The following HVCN1 variants were observed in gnomAD, a reference collection of about 807,000 sequenced individuals.
HVCN1 encodes hydrogen voltage gated channel 1, also known as voltage-gated hydrogen channel 1.
A neutral mutation model predicts 29.2 loss-of-function variants in HVCN1; 14 were observed. The observed-to-expected ratio is 0.48, with a 90% CI of 0.32 to 0.75. The LOEUF is 0.75. Among genes scored for constraint, HVCN1 ranks in the 30% least tolerant of loss-of-function variants. HVCN1 has a pLI of 0.04. For synonymous variants in HVCN1, 131 were observed against 133.2 expected, an observed-to-expected ratio of 0.98 and a Z score of 0.11; for missense variants, 263 against 341.8, an observed-to-expected ratio of 0.77 and a Z score of 1.82.
At chr12:110,698,088 C>T (rs1053706005) in intron 2 of HVCN1, among the ~76,000 whole-genome samples, 2 of 152,176 alleles carry the variant, frequency 1.3e-5, no homozygotes, top group Non-Finnish European at 2.9e-5. Context: ...CCTTCTCTGC[C>T]CGCAGAGACA....
intron 3 of HVCN1, among the ~76,000 whole-genome samples, chr12:110,671,723 AACC>A (rs1593490153): frequency 1.3e-5 from 2 of 152,200 alleles, no homozygotes; most frequent in East Asian, 3.9e-4. Context: ...CAGGGCCCAA[AACC>A]ACTTGGAGAA....
chr12:110,656,302 C>T (rs981383267), intron 4 of HVCN1, among the ~76,000 whole-genome samples: 2 of 152,158 alleles, frequency 1.3e-5, no homozygotes, highest in African/African-American at 2.4e-5. Flanking sequence ...ATGGGAAACA[C>T]AGCCTCCTGG....
intron 3 of HVCN1, among the ~76,000 whole-genome samples, chr12:110,662,375 A>G (rs2068207192): frequency 6.6e-6 from 1 of 152,262 alleles, no homozygotes; most frequent in Non-Finnish European, 1.5e-5. Flanking sequence ...TCATGAGCTT[A>G]GGATAGGAAA....
intron 2 of HVCN1, among the ~76,000 whole-genome samples, chr12:110,695,281 TACAC>T (rs760184973): frequency 6.6e-6 from 1 of 151,590 alleles, no homozygotes; most frequent in African/African-American, 2.4e-5. Context: ...CACATATATA[TACAC>T]ACACACACAC....
chr12:110,662,478 G>A (rs1336684159), intron 3 of HVCN1, among the ~76,000 whole-genome samples: 1 of 152,202 alleles, frequency 6.6e-6, no homozygotes, highest in African/African-American at 2.4e-5. Flanking sequence ...GCTAAGGCAA[G>A]TAGATTGCCT....
Position 110,648,792 on chromosome 12 carries a change from GA to G in HVCN1, c.*617del, listed in dbSNP as rs1426072145. 9.7e-6 allele frequency: 3 copies of G among 309,562 alleles called. No individual in the cohort carries two copies. The highest frequency in any genetic ancestry group is 6.9e-5 in the African/African-American group (3 of 43,464). 19.2% of individuals were successfully genotyped at this position (309,562 alleles called of 1,614,324 possible). A position where few individuals can be genotyped will look rare whatever the true frequency, so the allele number is the denominator to read the frequency against. ...ACAGTAGGAGGGTCCAGGGAAAAGA[GA>G]GAGTTTATTTTATACAGTAGTTGTT... On this transcript the variant is annotated 3_prime_UTR_variant, in exon 8 of 8. Coordinates refer to ENST00000242607, the MANE Select transcript of HVCN1 (RefSeq NM_032369.4).
rs554229403 is a variant in HVCN1 at position 110,665,331 on chromosome 12, G to T, written c.22-3883C>A. On this transcript the variant is annotated intron_variant, in intron 3 of 7. Transcript: ENST00000242607. ...CCAGCACTTTGGGAGGCCGAGGTGG[G>T]CAGATCACCTAAGGTCAGGAGTTTG... Among the ~76,000 whole-genome samples the T allele has an allele frequency of 3.3e-5, 5 of 152,320 alleles. No homozygotes were observed. The East Asian group carries it at 9.6e-4, about 29-fold the overall frequency.
At chr12:110,679,697 C>CA (rs1408693435) in intron 3 of HVCN1, among the ~76,000 whole-genome samples, 3 of 151,782 alleles carry the variant, frequency 2.0e-5, no homozygotes, top group Non-Finnish European at 2.9e-5. Context: ...ACTAAAAATA[C>CA]AAAAAATTAG....
At chr12:110,663,587 C>CAAAAAA (rs1182792368) in intron 3 of HVCN1, among the ~76,000 whole-genome samples, 1 of 25,830 alleles carries the variant, frequency 3.9e-5, no homozygotes, top group Non-Finnish European at 8.0e-5. Context: ...GACGCTGTCT[C>CAAAAAA]AAAAAAAAAA....
intron 3 of HVCN1, among the ~76,000 whole-genome samples, chr12:110,677,265 C>T (rs1352125260): frequency 6.6e-6 from 1 of 152,054 alleles, no homozygotes; most frequent in Non-Finnish European, 1.5e-5. Flanking sequence ...CACGCTCTAT[C>T]TAGCCTCTGT....
chr12:110,697,649 CTTTTTTTT>C (rs570801385), intron 2 of HVCN1, among the ~76,000 whole-genome samples: 3 of 134,228 alleles, frequency 2.2e-5, no homozygotes, highest in Non-Finnish European at 4.8e-5. Context: ...CGCGAAGCAT[CTTTTTTTT>C]TTTTTTTTTT....
intron 7 of HVCN1, among the ~76,000 whole-genome samples, chr12:110,649,676 T>A (rs1438256317): frequency 5.3e-5 from 8 of 151,814 alleles, no homozygotes; most frequent in African/African-American, 1.9e-4. Context: ...AAGACAAACG[T>A]GGGGGACCTG....
chr12:110,663,996 C>T (rs2068264853), intron 3 of HVCN1, among the ~76,000 whole-genome samples: 1 of 152,182 alleles, frequency 6.6e-6, no homozygotes, highest in Non-Finnish European at 1.5e-5. Flanking sequence ...TAGCTCACTA[C>T]AGTCTTGAAT....
intron 2 of HVCN1, among the ~76,000 whole-genome samples, chr12:110,686,294 G>A (rs555453772): frequency 2.6e-5 from 4 of 152,242 alleles, no homozygotes; most frequent in South Asian, 2.1e-4. Flanking sequence ...ATGAGCCACC[G>A]TGCCTGGCCT....
At chr12:110,654,091 A>G (rs2067905640) in intron 5 of HVCN1, among the ~76,000 whole-genome samples, 1 of 152,122 alleles carries the variant, frequency 6.6e-6, no homozygotes, top group Non-Finnish European at 1.5e-5. Flanking sequence ...AAAAGTTGAG[A>G]GAAAAAAAGA....
chr12:110,650,572 T>C (rs1260527968), intron 6 of HVCN1, among the ~76,000 whole-genome samples: 1 of 152,154 alleles, frequency 6.6e-6, no homozygotes, highest in Non-Finnish European at 1.5e-5. Flanking sequence ...ATCATGTGGG[T>C]GCACAACAGC....
chr12:110,657,294 G>A (rs2068021152), intron 4 of HVCN1, among the ~76,000 whole-genome samples: 1 of 152,098 alleles, frequency 6.6e-6, no homozygotes, highest in African/African-American at 2.4e-5. Context: ...AGGAGTTCGA[G>A]ACCAGCCTGG....
At chr12:110,699,410 C>T (rs1232818671) in intron 2 of HVCN1, among the ~76,000 whole-genome samples, 1 of 152,084 alleles carries the variant, frequency 6.6e-6, no homozygotes, top group Non-Finnish European at 1.5e-5. Context: ...GAGAAGCTCC[C>T]AGGCCCCCCA....
chr12:110,667,412 G>A (rs572214952), intron 3 of HVCN1, among the ~76,000 whole-genome samples: 7 of 152,098 alleles, frequency 4.6e-5, no homozygotes, highest in South Asian at 4.2e-4. Context: ...GGGATTACAC[G>A]CGTGAGCCAC....
Sources: allele counts gnomAD v4.1 joint callset (sites outside exome capture counted in the v4.1 genomes callset), GRCh38; gene constraint gnomAD v4.1.1; transcripts MANE v1.5; gene names NCBI Gene and HGNC (gene_info 2026-07-23, HGNC 2026-07-21).